The following GNPAT variants were observed in gnomAD, a reference collection of about 807,000 sequenced individuals.
GNPAT encodes the protein dihydroxyacetone phosphate acyltransferase.
GNPAT carries 30 observed loss-of-function variants against 78.4 expected under a neutral mutation model. The ratio of observed to expected loss-of-function variants is 0.38; its 90% CI spans 0.29 to 0.52. The LOEUF is 0.52. GNPAT is among the 20% of genes least tolerant of loss of function. The pLI is 0.84. For missense variants in GNPAT, 714 were observed against 812.2 expected (o/e 0.88, Z 1.47); for synonymous variants, 271 against 281.1 (o/e 0.96, Z 0.36).
rs1161073502 is a variant in GNPAT, at chr1:231,266,099, G to T, written c.858G>T (p.Lys286Asn). ...TCCCAATTAGTATCAGTTATGATAA[G>T]ATCTTGGAAGAAACTCTTTATGTGT... Reference protein sequence around the residue: ...YLVPISISYDKILEETLYVYE... With the variant: ...YLVPISISYDNILEETLYVYE... The change falls in exon 7 of 16, where the codon AAG (lysine) becomes AAT (asparagine). Residue 286 changes from lysine (K) to asparagine (N), a missense_variant. Transcript: ENST00000366647. 3.1e-6 allele frequency: 5 copies of T among 1,611,872 alleles called. No individual in the cohort carries two copies. Among genetic ancestry groups the T allele is most frequent in the Non-Finnish European group, 4.2e-6 (5 of 1,178,094 alleles).
chr1:231,253,843 G>A (rs1035982492), intron 2 of GNPAT, among the ~76,000 whole-genome samples: 9 of 152,166 alleles, frequency 5.9e-5, no homozygotes, highest in African/African-American at 2.2e-4. Context: ...ATCAATATTT[G>A]TTGAATTAGT....
intron 2 of GNPAT, among the ~76,000 whole-genome samples, chr1:231,257,735 T>A (rs1685105660): frequency 6.6e-6 from 1 of 152,250 alleles, no homozygotes; most frequent in Non-Finnish European, 1.5e-5. Flanking sequence ...TAGCTCTAGC[T>A]GTTCCTAGAT....
At chr1:231,251,311 G>A (rs1449311506) in intron 2 of GNPAT, among the ~76,000 whole-genome samples, 168 bp downstream of exon 2, 1 of 152,200 alleles carries the variant, frequency 6.6e-6, no homozygotes, top group Middle Eastern at 3.2e-3. Flanking sequence ...CTAGACACTA[G>A]ACTAGAGGTC....
intron 4 of GNPAT, 77 bp downstream of exon 4, chr1:231,262,929 T>A: frequency 1.8e-6 from 2 of 1,089,388 alleles, no homozygotes; most frequent in Middle Eastern, 2.6e-4. Flanking sequence ...ACTGAGGTAT[T>A]TGAAGATGAT....
At chr1:231,247,077 A>G (rs1032954085) in intron 1 of GNPAT, among the ~76,000 whole-genome samples, 1 of 152,038 alleles carries the variant, frequency 6.6e-6, no homozygotes, top group African/African-American at 2.4e-5. Flanking sequence ...GCTGAGGCAG[A>G]ATGGCGTGAA....
At chr1:231,252,577 G>A (rs1486493187) in intron 2 of GNPAT, among the ~76,000 whole-genome samples, 1 of 152,178 alleles carries the variant, frequency 6.6e-6, no homozygotes, top group East Asian at 1.9e-4. Flanking sequence ...AGCTTTGGGA[G>A]TGTGGCAAGG....
rs773428834 is a variant in GNPAT, at chr1:231,266,118, T to C, written c.877T>C (p.Tyr293His). ...TGATAAGATCTTGGAAGAAACTCTT[T>C]ATGTGTATGAGCTTCTAGGGGTTCC... Reference protein sequence around the residue: ...SYDKILEETLYVYELLGVPKP... With the variant: ...SYDKILEETLHVYELLGVPKP... Residue 293 changes from tyrosine (Y) to histidine (H), a missense_variant, in exon 7 of 16, where the codon TAT becomes CAT. Tyr to His is a moderately conservative substitution (Grantham distance 83). Coordinates refer to ENST00000366647, the MANE Select transcript of GNPAT (RefSeq NM_014236.4). The C allele has an allele frequency of 1.2e-6, 2 of 1,612,152 alleles. No individual in the cohort carries two copies. The highest frequency in any genetic ancestry group is 1.7e-6 in the Non-Finnish European group (2 of 1,178,290).
At chr1:231,258,037 G>A (rs777628405) in intron 2 of GNPAT, among the ~76,000 whole-genome samples, 2 of 152,084 alleles carry the variant, frequency 1.3e-5, no homozygotes, top group Non-Finnish European at 2.9e-5. Context: ...ATAGGTTTAC[G>A]GTTATACTTC....
At chr1:231,268,130 G>A (rs777482684) in intron 9 of GNPAT, among the ~76,000 whole-genome samples, 14 of 152,138 alleles carry the variant, frequency 9.2e-5, no homozygotes, top group Non-Finnish European at 1.6e-4. Flanking sequence ...GTGAAACCCC[G>A]TCTCTACTAA....
Position 231,247,115 on chromosome 1 carries a change from G to A in GNPAT, c.79-3846G>A, listed in dbSNP as rs1160677641. Among the ~76,000 whole-genome samples, 12 of 151,866 alleles carry A rather than the reference G, an allele frequency of 7.9e-5. 1 individual carries two copies. The highest frequency in any genetic ancestry group is 2.9e-4 in the African/African-American group (12 of 41,342). ...CGGGAGGCGGAGCTTGCAGTGAGCT[G>A]AGATCGTGCCACTGCACTCCAGCCT... is the stretch of plus-strand genomic sequence containing the variant. On this transcript the variant is annotated intron_variant, in intron 1 of 15. Transcript: ENST00000366647.
chr1:231,269,622 TGGTAGGA>T (rs1267184636), intron 9 of GNPAT, among the ~76,000 whole-genome samples: 1 of 152,134 alleles, frequency 6.6e-6, no homozygotes, highest in East Asian at 1.9e-4. Context: ...GGGCTGGGTC[TGGTAGGA>T]GGCAAAGGAT....
rs774134716 is a variant in GNPAT at position 231,272,332 on chromosome 1, C to T, written c.1543C>T (p.Arg515Cys). The T allele has an allele frequency of 2.6e-5, 41 of 1,587,780 alleles. No homozygotes were observed. The highest frequency in any genetic ancestry group is 3.1e-5 in the Non-Finnish European group (36 of 1,156,742). ...FRKEDVYSCF[R>C]FLRDVFADEF... The stretch of plus-strand genomic sequence containing the variant: ...TCCAGAGGATGTCTACAGTTGCTTT[C>T]GCTTCCTACGTGATGTTTTTGCAGA... Residue 515 changes from arginine to cysteine, a missense_variant, in exon 11 of 16, where the codon CGC becomes TGC. Transcript: ENST00000366647.
chr1:231,274,495 A>G (rs562794693), intron 12 of GNPAT, among the ~76,000 whole-genome samples: 2 of 152,346 alleles, frequency 1.3e-5, no homozygotes, highest in East Asian at 1.9e-4. Flanking sequence ...TGGAAAGAAA[A>G]AGTTCAAGTG....
chr1:231,258,622 ATTTTTTTTTTTTTT>A (rs748666053), intron 2 of GNPAT, among the ~76,000 whole-genome samples: 1 of 73,762 alleles, frequency 1.4e-5, no homozygotes, highest in African/African-American at 5.9e-5. Flanking sequence ...TTTTAATGCA[ATTTTTTTTTTTTTT>A]TTTTTTTTTT....
intron 9 of GNPAT, among the ~76,000 whole-genome samples, chr1:231,269,668 T>C (rs1380423238): frequency 6.6e-6 from 1 of 152,174 alleles, no homozygotes; most frequent in East Asian, 1.9e-4. Flanking sequence ...GTAGCAAGTG[T>C]TGGATGTCAT....
intron 2 of GNPAT, among the ~76,000 whole-genome samples, chr1:231,251,572 C>G (rs1198853692): frequency 6.6e-6 from 1 of 152,040 alleles, no homozygotes; most frequent in African/African-American, 2.4e-5. Context: ...TTTCAAACCT[C>G]CACATTAGCA....
intron 2 of GNPAT, among the ~76,000 whole-genome samples, chr1:231,257,267 C>A (rs1685092399): frequency 1.3e-5 from 2 of 152,128 alleles, no homozygotes; most frequent in East Asian, 1.9e-4. Context: ...GATTTTCCAT[C>A]CAGGGGAAAG....
At chr1:231,268,796 C>G (rs1685466473) in intron 9 of GNPAT, among the ~76,000 whole-genome samples, 1 of 151,412 alleles carries the variant, frequency 6.6e-6, no homozygotes, top group East Asian at 1.9e-4. Flanking sequence ...ATCCCAGCTA[C>G]TCGGGAGGCT....
chr1:231,262,681 A>G (rs1685254105), intron 3 of GNPAT, 42 bp from the exon 4 acceptor site: 1 of 1,516,894 alleles, frequency 6.6e-7, no homozygotes, highest in Non-Finnish European at 9.1e-7. Context: ...ATTTGATAAC[A>G]TGACAACTGA....
Sources: gnomAD v4.1 joint callset for allele counts (sites outside exome capture counted in the v4.1 genomes callset) on GRCh38, gnomAD v4.1.1 for gene constraint, MANE v1.5 for transcripts, NCBI Gene and HGNC (gene_info 2026-07-23, HGNC 2026-07-21) for gene names.